DSCAM: variants seen among roughly 807,000 people sequenced by gnomAD.
DSCAM encodes DS cell adhesion molecule.
A neutral mutation model predicts 217.7 loss-of-function variants in DSCAM; 47 were observed. That is an observed-to-expected ratio of 0.22 (90% CI 0.17 to 0.28). DSCAM has a LOEUF of 0.28. Ranked by LOEUF, DSCAM falls within the 10% of genes least tolerant of loss-of-function variation. The pLI, the probability that DSCAM is intolerant of heterozygous loss-of-function variation, is 1.00. For synonymous variants in DSCAM, 1,056 were observed against 1,015.3 expected (o/e 1.04, Z -0.76); for missense variants, 2,080 against 2,618.3 (o/e 0.79, Z 4.49).
At chr21:40,830,614 G>A (rs1032539400) in intron 1 of DSCAM, among the ~76,000 whole-genome samples, 1 of 152,122 alleles carries the variant, frequency 6.6e-6, no homozygotes, top group African/African-American at 2.4e-5. Context: ...CTTCCACCCC[G>A]GCTCAATGTA....
intron 3 of DSCAM, among the ~76,000 whole-genome samples, chr21:40,508,128 T>C (rs1320345936): frequency 1.3e-5 from 2 of 152,190 alleles, no homozygotes. Flanking sequence ...CAGATTCCAT[T>C]CTAGGAATTT....
chr21:40,678,164 A>C (rs2146416912), intron 3 of DSCAM, among the ~76,000 whole-genome samples: 1 of 152,310 alleles, frequency 6.6e-6, no homozygotes, highest in Admixed American at 6.5e-5. Flanking sequence ...AAGTCTTTGT[A>C]ATTCCTTCAG....
At chr21:40,195,734 G>A (rs548693863) in intron 11 of DSCAM, among the ~76,000 whole-genome samples, 1 of 152,318 alleles carries the variant, frequency 6.6e-6, no homozygotes, top group African/African-American at 2.4e-5. Context: ...ATGGGAAACT[G>A]AGGCAGGAAT....
chr21:40,255,600 T>C (rs1243973773), intron 11 of DSCAM, among the ~76,000 whole-genome samples: 2 of 152,186 alleles, frequency 1.3e-5, no homozygotes, highest in East Asian at 1.9e-4. Context: ...CATGGGACTT[T>C]AAATGCAGAA....
chr21:40,265,691 T>C (rs775651316), intron 11 of DSCAM, among the ~76,000 whole-genome samples: 17 of 152,252 alleles, frequency 1.1e-4, no homozygotes, highest in Non-Finnish European at 1.8e-4. Flanking sequence ...TAAAGCCAAA[T>C]ACTTACAACT....
intron 8 of DSCAM, among the ~76,000 whole-genome samples, chr21:40,332,594 G>A (rs2074388785): frequency 6.6e-6 from 1 of 152,156 alleles, no homozygotes; most frequent in Non-Finnish European, 1.5e-5. Context: ...GTTCAATGTG[G>A]CACCTAAAAT....
At chr21:40,113,856 G>A (rs1449950871) in intron 20 of DSCAM, among the ~76,000 whole-genome samples, 7 of 152,028 alleles carry the variant, frequency 4.6e-5, no homozygotes, top group Middle Eastern at 3.4e-3. Flanking sequence ...AACTTACAAG[G>A]GATGTGAAGG....
At chr21:40,168,408 T>C (rs754958049) in intron 15 of DSCAM, among the ~76,000 whole-genome samples, 1 of 152,162 alleles carries the variant, frequency 6.6e-6, no homozygotes, top group Non-Finnish European at 1.5e-5. Context: ...ATCAGAGCTA[T>C]GAGATACACA....
At chr21:40,514,419 C>A (rs192639830) in intron 3 of DSCAM, among the ~76,000 whole-genome samples, 2 of 152,166 alleles carry the variant, frequency 1.3e-5, no homozygotes, top group Non-Finnish European at 2.9e-5. Flanking sequence ...ACTGGATTAG[C>A]GAGAAAATGC....
intron 3 of DSCAM, among the ~76,000 whole-genome samples, chr21:40,523,682 A>G (rs2076377610): frequency 1.3e-5 from 2 of 152,202 alleles, no homozygotes; most frequent in South Asian, 4.1e-4. Context: ...ACAGCAAAGC[A>G]AGAAATCCTG....
At chr21:40,620,589 G>A (rs1952756942) in intron 3 of DSCAM, among the ~76,000 whole-genome samples, 1 of 151,964 alleles carries the variant, frequency 6.6e-6, no homozygotes, top group Non-Finnish European at 1.5e-5. Context: ...AAAGAAAAAA[G>A]AAGATTGAGT....
At chr21:40,845,560 T>G (rs2092137835) in intron 1 of DSCAM, among the ~76,000 whole-genome samples, 1 of 151,452 alleles carries the variant, frequency 6.6e-6, no homozygotes, top group African/African-American at 2.4e-5. Flanking sequence ...TCTCTCTCTC[T>G]CTCTCTCTCT....
At chr21:40,473,672 C>T (rs983077317) in intron 3 of DSCAM, among the ~76,000 whole-genome samples, 2 of 152,132 alleles carry the variant, frequency 1.3e-5, no homozygotes, top group African/African-American at 4.8e-5. Flanking sequence ...TCCCAACCCC[C>T]AGTACCTCGG....
intron 10 of DSCAM, among the ~76,000 whole-genome samples, chr21:40,295,352 C>G (rs892817806): frequency 6.6e-6 from 1 of 152,140 alleles, no homozygotes; most frequent in East Asian, 1.9e-4. Flanking sequence ...CCCTAATGAA[C>G]AGAAATTGTT....
intron 3 of DSCAM, among the ~76,000 whole-genome samples, chr21:40,381,044 C>A (rs2075016926): frequency 9.7e-6 from 1 of 103,270 alleles, no homozygotes. Flanking sequence ...GCCTGGGCGA[C>A]AGAGCGAGAC....
intron 3 of DSCAM, among the ~76,000 whole-genome samples, chr21:40,644,569 C>A (rs1476331392): frequency 1.3e-5 from 2 of 152,112 alleles, no homozygotes; most frequent in Admixed American, 6.6e-5. Context: ...GGTGGTGGGC[C>A]AATCTTTCAT....
intron 3 of DSCAM, among the ~76,000 whole-genome samples, chr21:40,474,364 T>C (rs990794903): frequency 1.3e-5 from 2 of 152,056 alleles, no homozygotes. Flanking sequence ...TACTGGAAAA[T>C]TCCAGAAAAT....
intron 32 of DSCAM, among the ~76,000 whole-genome samples, chr21:40,029,353 T>A (rs1001805753): frequency 6.7e-6 from 1 of 148,202 alleles, no homozygotes; most frequent in Non-Finnish European, 1.5e-5. Context: ...TGGATCTCTG[T>A]GCTCATGCCC....
chr21:40,411,286 G>A (rs965687558), intron 3 of DSCAM, among the ~76,000 whole-genome samples: 6 of 150,752 alleles, frequency 4.0e-5, no homozygotes, highest in African/African-American at 4.9e-5. Flanking sequence ...AATAAGCCAC[G>A]AATGGAGACA....
Sources: gnomAD v4.1 joint callset for allele counts (sites outside exome capture counted in the v4.1 genomes callset) on GRCh38, gnomAD v4.1.1 for gene constraint, MANE v1.5 for transcripts, NCBI Gene and HGNC (gene_info 2026-07-23, HGNC 2026-07-21) for gene names.